PXDNL: variants seen among roughly 807,000 people sequenced by gnomAD.
The protein encoded by PXDNL is peroxidasin like, also known as probable oxidoreductase PXDNL.
PXDNL carries 145 observed loss-of-function variants against 150.8 expected under a neutral mutation model. The observed-to-expected ratio is 0.96, with a 90% confidence interval of 0.84 to 1.10. The LOEUF is 1.10. PXDNL is among the 50% of genes least tolerant of loss of function. The pLI, the probability that PXDNL is intolerant of heterozygous loss-of-function variation, is 0.00. For synonymous variants in PXDNL, 757 were observed against 725.7 expected, an observed-to-expected ratio of 1.04 and a Z score of -0.69; for missense variants, 2,087 against 1,873.9, an observed-to-expected ratio of 1.11 and a Z score of -2.10.
chr8:51,734,411 T>C (rs1816992959), intron 1 of PXDNL, among the ~76,000 whole-genome samples: 1 of 152,214 alleles, frequency 6.6e-6, no homozygotes, highest in Non-Finnish European at 1.5e-5. Flanking sequence ...ACTTGACCTT[T>C]CAAAATGGTG....
At chr8:51,680,219 G>C (rs1425957565) in intron 1 of PXDNL, among the ~76,000 whole-genome samples, 1 of 152,208 alleles carries the variant, frequency 6.6e-6, no homozygotes, top group African/African-American at 2.4e-5. Context: ...TTTCACCAAA[G>C]GCCGGGTGTC....
chr8:51,431,988 C>T (rs976051259), intron 12 of PXDNL, among the ~76,000 whole-genome samples: 2 of 152,092 alleles, frequency 1.3e-5, no homozygotes, highest in Admixed American at 6.5e-5. Context: ...AATAGAATAT[C>T]CAAATTTTAA....
intron 21 of PXDNL, among the ~76,000 whole-genome samples, chr8:51,327,191 A>G (rs544738646): frequency 2.0e-5 from 3 of 152,318 alleles, no homozygotes; most frequent in Admixed American, 6.5e-5. Context: ...GTGAGTGAAA[A>G]ACAATCCTCC....
chr8:51,386,347 TC>T (rs1807711270), intron 17 of PXDNL, among the ~76,000 whole-genome samples: 1 of 152,168 alleles, frequency 6.6e-6, no homozygotes, highest in Admixed American at 6.5e-5. Context: ...TGCCTCGGCC[TC>T]CCAAAGTGCT....
At chr8:51,573,697 T>A (rs532260239) in intron 3 of PXDNL, among the ~76,000 whole-genome samples, 6 of 152,000 alleles carry the variant, frequency 3.9e-5, no homozygotes, top group African/African-American at 1.4e-4. Context: ...TTGACAGCAA[T>A]GTAGGAGGAA....
intron 1 of PXDNL, among the ~76,000 whole-genome samples, chr8:51,705,832 T>TGTGCGC (rs1349926589): frequency 4.7e-5 from 7 of 149,606 alleles, no homozygotes; most frequent in Non-Finnish European, 1.0e-4. Flanking sequence ...TGTGTGTGTG[T>TGTGCGC]GCGCGCGCGC....
intron 2 of PXDNL, among the ~76,000 whole-genome samples, chr8:51,644,520 C>T (rs1814872942): frequency 6.6e-6 from 1 of 150,478 alleles, no homozygotes; most frequent in African/African-American, 2.4e-5. Flanking sequence ...AGTGCAGTGG[C>T]ACTATCTCAG....
At chr8:51,450,439 A>C (rs1034753338) in intron 10 of PXDNL, among the ~76,000 whole-genome samples, 1 of 152,208 alleles carries the variant, frequency 6.6e-6, no homozygotes, top group African/African-American at 2.4e-5. Context: ...ACTCTGGTTC[A>C]AATGCCTTTA....
At chr8:51,795,812 C>T (rs541251524) in intron 1 of PXDNL, among the ~76,000 whole-genome samples, 4 of 152,240 alleles carry the variant, frequency 2.6e-5, no homozygotes, top group South Asian at 2.1e-4. Flanking sequence ...ACCGTGGCCC[C>T]GACTTGCCAG....
intron 1 of PXDNL, among the ~76,000 whole-genome samples, chr8:51,769,833 A>T (rs1286798236): frequency 6.6e-6 from 1 of 152,196 alleles, no homozygotes; most frequent in African/African-American, 2.4e-5. Flanking sequence ...ATAGGTCACC[A>T]TGGAAATGTT....
chr8:51,536,481 G>T (rs1009725130), intron 4 of PXDNL, among the ~76,000 whole-genome samples: 4 of 152,282 alleles, frequency 2.6e-5, no homozygotes, highest in Admixed American at 2.6e-4. Context: ...AGGCTGAAAT[G>T]AAAAAGGTAA....
chr8:51,482,031 A>T (rs1286502029), intron 6 of PXDNL, among the ~76,000 whole-genome samples: 1 of 152,132 alleles, frequency 6.6e-6, no homozygotes, highest in Non-Finnish European at 1.5e-5. Flanking sequence ...CGTCCTCCAG[A>T]TCCCGGAATG....
chr8:51,609,922 C>T (rs892967361), intron 2 of PXDNL, among the ~76,000 whole-genome samples: 3 of 152,174 alleles, frequency 2.0e-5, no homozygotes, highest in African/African-American at 4.8e-5. Context: ...GGTTCTCTGT[C>T]CCACTGTCTA....
chr8:51,652,238 A>T (rs899332936), intron 2 of PXDNL, among the ~76,000 whole-genome samples: 3 of 152,098 alleles, frequency 2.0e-5, no homozygotes, highest in South Asian at 2.1e-4. Flanking sequence ...TTTATTTTTT[A>T]AAAAATGTGT....
At chr8:51,574,131 GAAC>G (rs1274018639) in intron 3 of PXDNL, among the ~76,000 whole-genome samples, 6 of 151,810 alleles carry the variant, frequency 4.0e-5, no homozygotes, top group Admixed American at 3.9e-4. Context: ...GATTTTTAAA[GAAC>G]ATCATAAAAA....
intron 4 of PXDNL, among the ~76,000 whole-genome samples, chr8:51,501,821 T>G (rs767255566): frequency 2.6e-5 from 4 of 152,118 alleles, no homozygotes; most frequent in Non-Finnish European, 4.4e-5. Context: ...AAAGAGGATG[T>G]GGGGGAGGAG....
intron 19 of PXDNL, among the ~76,000 whole-genome samples, chr8:51,360,805 T>A (rs1586033536): frequency 6.6e-6 from 1 of 152,346 alleles, no homozygotes; most frequent in South Asian, 2.1e-4. Context: ...CTGGAACCAA[T>A]CTGGCTGTTT....
At chr8:51,364,461 C>T (rs1168758142) in intron 19 of PXDNL, among the ~76,000 whole-genome samples, 1 of 152,188 alleles carries the variant, frequency 6.6e-6, no homozygotes, top group African/African-American at 2.4e-5. Flanking sequence ...AGAATCAAGA[C>T]TTCTCTGCTA....
intron 4 of PXDNL, among the ~76,000 whole-genome samples, chr8:51,537,775 G>C (rs1812115057): frequency 6.6e-6 from 1 of 152,110 alleles, no homozygotes; most frequent in South Asian, 2.1e-4. Flanking sequence ...GTTTTATCTA[G>C]AATTGCACAG....
Sources: allele counts gnomAD v4.1 joint callset (sites outside exome capture counted in the v4.1 genomes callset), GRCh38; gene constraint gnomAD v4.1.1; transcripts MANE v1.5; gene names NCBI Gene and HGNC (gene_info 2026-07-23, HGNC 2026-07-21).